The following EML6 variants were observed in gnomAD, a reference collection of about 807,000 sequenced individuals.
The protein encoded by EML6 is echinoderm microtubule-associated protein-like 6.
A neutral mutation model predicts 240.1 loss-of-function variants in EML6; 154 were observed. The ratio of observed to expected loss-of-function variants is 0.64; its 90% CI spans 0.56 to 0.73. The LOEUF (loss-of-function observed/expected upper bound fraction) is 0.73. Ranked by LOEUF, EML6 falls within the 30% of genes least tolerant of loss-of-function variation. The pLI is 0.00. For missense variants in EML6, 2,964 were observed against 2,474.6 expected, an observed-to-expected ratio of 1.20 and a Z score of -4.20; for synonymous variants, 1,148 against 899.0, an observed-to-expected ratio of 1.28 and a Z score of -4.95.
chr2:54,741,193 T>C (rs1572844020), intron 2 of EML6, among the ~76,000 whole-genome samples: 2 of 152,160 alleles, frequency 1.3e-5, no homozygotes, highest in South Asian at 2.1e-4. Flanking sequence ...CTCTCTATCT[T>C]ACTGCTTCTG....
At chr2:54,881,390 C>T (rs1185081707) in intron 17 of EML6, 1 of 152,108 alleles carries the variant, frequency 6.6e-6, no homozygotes, top group African/African-American at 2.4e-5. Flanking sequence ...CATGGTGGCT[C>T]ACGTCTGTAA....
intron 5 of EML6, among the ~76,000 whole-genome samples, chr2:54,823,626 A>G (rs943927143): frequency 2.6e-5 from 4 of 152,152 alleles, no homozygotes; most frequent in South Asian, 2.1e-4. Context: ...TAAAAAAAAC[A>G]TGTGAGTTCA....
At chr2:54,963,909 G>T in intron 36 of EML6, 77 bp from the exon 37 acceptor site, 1 of 1,392,966 alleles carries the variant, frequency 7.2e-7, no homozygotes, top group Non-Finnish European at 9.6e-7. Flanking sequence ...TGACTTCTCT[G>T]GCCTGGTGCA....
At chr2:54,889,167 A>G (rs1672319829) in intron 17 of EML6, among the ~76,000 whole-genome samples, 1 of 152,168 alleles carries the variant, frequency 6.6e-6, no homozygotes, top group African/African-American at 2.4e-5. Context: ...CAACTCATAC[A>G]CAGGTACTAT....
chr2:54,808,431 G>T (rs972645571), intron 2 of EML6, among the ~76,000 whole-genome samples: 4 of 151,914 alleles, frequency 2.6e-5, no homozygotes, highest in Non-Finnish European at 5.9e-5. Flanking sequence ...ATGTGCCTCT[G>T]CCTCTGACAT....
At chr2:54,952,005 G>A (rs1413845290) in intron 30 of EML6, among the ~76,000 whole-genome samples, 1 of 152,200 alleles carries the variant, frequency 6.6e-6, no homozygotes, top group Non-Finnish European at 1.5e-5. Context: ...TTGATAGATG[G>A]TAAAGTGCTC....
rs544017275 is a variant in EML6, at chr2:54,908,128, TAGA to T, written c.3410-2821_3410-2819del. Among the ~76,000 whole-genome samples, 232 of 152,168 alleles carry T rather than the reference TAGA, an allele frequency of 1.5e-3. 1 individual carries two copies. Among genetic ancestry groups the T allele is most frequent in the African/African-American group, 5.4e-3 (223 of 41,524 alleles). On this transcript the variant is annotated intron_variant, in intron 24 of 41. Transcript: ENST00000356458. Reference sequence around the variant, plus strand: ...AATACCCTTAATTATTCCTTTCTAATAGAAGAATAGCTTTTTGGTTTGGTTTTT... The same window carrying T: ...AATACCCTTAATTATTCCTTTCTAATAGAATAGCTTTTTGGTTTGGTTTTT...
intron 26 of EML6, among the ~76,000 whole-genome samples, chr2:54,925,659 C>T (rs981463267): frequency 2.0e-5 from 3 of 152,184 alleles, no homozygotes; most frequent in African/African-American, 7.2e-5. Context: ...CATTAGTGCC[C>T]TGACAGCCAC....
intron 2 of EML6, among the ~76,000 whole-genome samples, chr2:54,790,709 G>A (rs1470078387): frequency 6.0e-5 from 9 of 149,428 alleles, no homozygotes; most frequent in African/African-American, 2.2e-4. Context: ...AGAGGACATT[G>A]GTAACTTAAT....
intron 2 of EML6, among the ~76,000 whole-genome samples, chr2:54,812,181 T>C (rs573623774): frequency 6.6e-6 from 1 of 152,256 alleles, no homozygotes; most frequent in African/African-American, 2.4e-5. Flanking sequence ...TTTTCTGTAT[T>C]ATCTGTATTT....
intron 7 of EML6, among the ~76,000 whole-genome samples, chr2:54,842,938 T>C (rs142838102): frequency 1.3e-5 from 2 of 152,340 alleles, no homozygotes; most frequent in African/African-American, 2.4e-5. Context: ...GAGATTGAAA[T>C]TGGAGTTTCA....
At chr2:54,831,106 C>T (rs962855069) in intron 7 of EML6, among the ~76,000 whole-genome samples, 1 of 152,102 alleles carries the variant, frequency 6.6e-6, no homozygotes, top group African/African-American at 2.4e-5. Context: ...ATGTTTGGTC[C>T]TGAACCATGA....
At chr2:54,800,675 A>C (rs1670087427) in intron 2 of EML6, among the ~76,000 whole-genome samples, 1 of 152,150 alleles carries the variant, frequency 6.6e-6, no homozygotes, top group Admixed American at 6.5e-5. Context: ...CCCCTAGGAC[A>C]TCAGATACTT....
intron 7 of EML6, among the ~76,000 whole-genome samples, chr2:54,842,886 T>A (rs1281111502): frequency 6.6e-6 from 1 of 152,206 alleles, no homozygotes; most frequent in African/African-American, 2.4e-5. Context: ...ATTAAGTCGG[T>A]GAAGAATAGT....
chr2:54,875,022 G>A (rs534822449), intron 16 of EML6, among the ~76,000 whole-genome samples: 7 of 152,222 alleles, frequency 4.6e-5, no homozygotes, highest in African/African-American at 1.7e-4. Flanking sequence ...GCTTCCCTTT[G>A]CCGATGCTAG....
At chr2:54,831,541 G>T (rs1424084487) in intron 7 of EML6, among the ~76,000 whole-genome samples, 1 of 151,980 alleles carries the variant, frequency 6.6e-6, no homozygotes, top group Non-Finnish European at 1.5e-5. Context: ...TCAGATTCCC[G>T]CCCCATCCTT....
At chr2:54,734,206 C>T (rs1390013684) in intron 2 of EML6, among the ~76,000 whole-genome samples, 11 of 152,082 alleles carry the variant, frequency 7.2e-5, no homozygotes, top group African/African-American at 1.9e-4. Flanking sequence ...GGCATGATGG[C>T]GGGTGCCTGT....
At chr2:54,859,224 T>C (rs955538467) in intron 11 of EML6, among the ~76,000 whole-genome samples, 1 of 152,222 alleles carries the variant, frequency 6.6e-6, no homozygotes, top group African/African-American at 2.4e-5. Flanking sequence ...TAAATAAGAA[T>C]GTGTAAGATG....
chr2:54,933,109 G>A (rs929763199), intron 28 of EML6, among the ~76,000 whole-genome samples: 2 of 152,068 alleles, frequency 1.3e-5, no homozygotes, highest in African/African-American at 4.8e-5. Flanking sequence ...AAAAATGGCT[G>A]CAGAACTTAT....
Sources: allele counts gnomAD v4.1 joint callset (sites outside exome capture counted in the v4.1 genomes callset), GRCh38; gene constraint gnomAD v4.1.1; transcripts MANE v1.5; gene names NCBI Gene and HGNC (gene_info 2026-07-23, HGNC 2026-07-21).